The following TRMT1L variants were observed in gnomAD, a reference collection of about 807,000 sequenced individuals.
The protein encoded by TRMT1L is tRNA methyltransferase 1L.
In TRMT1L, 28 loss-of-function variants were observed where a neutral mutation model predicts 81.6. That is an observed-to-expected ratio of 0.34 (90% CI 0.25 to 0.47). The LOEUF is 0.47. Among genes scored for constraint, TRMT1L ranks in the 20% least tolerant of loss-of-function variants. The probability of loss-of-function intolerance (pLI) is 1.00; values close to 1 mark genes in which losing one functional copy is unlikely to be tolerated. For missense variants in TRMT1L, 739 were observed against 877.1 expected (o/e 0.84, Z 1.99); for synonymous variants, 301 against 303.2 (o/e 0.99, Z 0.07).
chr1:185,125,998 C>G (rs1417589897), intron 11 of TRMT1L, among the ~76,000 whole-genome samples: 2 of 152,132 alleles, frequency 1.3e-5, no homozygotes, highest in African/African-American at 2.4e-5. Context: ...ATCTGATATG[C>G]TTCCCATTTA....
intron 13 of TRMT1L, among the ~76,000 whole-genome samples, chr1:185,122,682 ATTTTT>A (rs374716894): frequency 8.4e-6 from 1 of 118,860 alleles, no homozygotes; most frequent in African/African-American, 3.3e-5. Flanking sequence ...CTTAAATCTA[ATTTTT>A]TTTTTTTTTT....
chr1:185,156,258 C>A (rs1653552293), intron 1 of TRMT1L, among the ~76,000 whole-genome samples: 1 of 152,206 alleles, frequency 6.6e-6, no homozygotes, highest in Non-Finnish European at 1.5e-5. Context: ...TCCTGCTCTC[C>A]GCATATCCCT....
chr1:185,150,600 T>C, intron 2 of TRMT1L, 108 bp from the exon 3 acceptor site: 1 of 734,784 alleles, frequency 1.4e-6, no homozygotes, highest in Non-Finnish European at 2.3e-6. Flanking sequence ...TCTTAAAGTC[T>C]TTCTTAACTT....
chr1:185,120,421 G>A lies in TRMT1L; in HGVS notation c.1911C>T (p.Asn637=). Residue 637 remains asparagine (N), a synonymous_variant, in exon 14 of 15, where the codon AAC becomes AAT. Transcript: ENST00000367506. ...VSTEHPPFYY[N]IHRHSIKGMN... ...TTCCTTTAATGCTGTGTCTGTGAATGTTGTAATAAAAGGGAGGATGTTCAG... is the reference window on the plus strand; with the variant it reads ...TTCCTTTAATGCTGTGTCTGTGAATATTGTAATAAAAGGGAGGATGTTCAG... The A allele has an allele frequency of 1.2e-6, 2 of 1,601,288 alleles. No homozygotes were observed. The highest frequency in any genetic ancestry group is 8.5e-7 in the Non-Finnish European group (1 of 1,174,890).
chr1:185,135,556 T>G (rs1164582455), intron 10 of TRMT1L, among the ~76,000 whole-genome samples: 2 of 151,818 alleles, frequency 1.3e-5, no homozygotes, highest in Non-Finnish European at 2.9e-5. Context: ...CCAAGGAGAT[T>G]AAAAGGAATT....
chr1:185,134,310 G>A (rs1652843921), intron 10 of TRMT1L, among the ~76,000 whole-genome samples: 2 of 152,088 alleles, frequency 1.3e-5, no homozygotes, highest in African/African-American at 4.8e-5. Context: ...CTCAGCCTCA[G>A]CCTCCTGAGT....
chr1:185,137,630 GA>G lies in TRMT1L; in HGVS notation c.1488del (p.Gln497ArgfsTer7). Reference sequence around the variant, plus strand: ...CCTTCTACCATATTACCATCCTTCTGAAAAATTCTCTCTTCACACCACTGAC... The same window carrying G: ...CCTTCTACCATATTACCATCCTTCTGAAAATTCTCTCTTCACACCACTGAC... ...IHCQWCEERI[F>X]QKDGNMVEEN... On this transcript the variant is annotated frameshift_variant, in exon 10 of 15. Coordinates refer to ENST00000367506, the MANE Select transcript of TRMT1L (RefSeq NM_030934.5). LOFTEE classifies it high-confidence loss of function. 1 of 1,613,842 alleles carries G rather than the reference GA, an allele frequency of 6.2e-7. No homozygotes were observed. The highest frequency in any genetic ancestry group is 8.5e-7 in the Non-Finnish European group (1 of 1,179,948).
chr1:185,136,068 A>G (rs1369053431), intron 10 of TRMT1L, among the ~76,000 whole-genome samples: 2 of 152,208 alleles, frequency 1.3e-5, no homozygotes, highest in Non-Finnish European at 2.9e-5. Flanking sequence ...CCTTAATGTG[A>G]TAAATGATAT....
At position 185,118,327 on chromosome 1, in the gene TRMT1L, AT is replaced by A. The variant is rs2102222491; in HGVS notation, c.*1691del. 1 of 152,302 alleles carries A rather than the reference AT, an allele frequency of 6.6e-6. No individual in the cohort carries two copies. The highest frequency in any genetic ancestry group is 1.9e-4 in the East Asian group (1 of 5,192). 9.4% of individuals were successfully genotyped at this position (152,302 alleles called of 1,614,324 possible). ...TGAAAAATCTACCTTTATATGTGAAATTAATATACACATATATTTTAGGTAA... is the reference window on the plus strand; with the variant it reads ...TGAAAAATCTACCTTTATATGTGAAATAATATACACATATATTTTAGGTAA... On this transcript the variant is annotated 3_prime_UTR_variant, in exon 15 of 15. Transcript: ENST00000367506.
At chr1:185,147,300 CA>C in intron 3 of TRMT1L, 54 bp from the exon 4 acceptor site, 1 of 1,356,020 alleles carries the variant, frequency 7.4e-7, no homozygotes, top group Non-Finnish European at 1.0e-6. Flanking sequence ...ATTCAGTTAT[CA>C]AAAATTATAA....
In TRMT1L at chr1:185,127,759, C is replaced by CAA. The variant is rs986438990; in HGVS notation, c.1592+908_1592+909dup. Among the ~76,000 whole-genome samples, 148 of 35,948 alleles carry CAA rather than the reference C, an allele frequency of 4.1e-3. 3 individuals are homozygous for CAA. Among genetic ancestry groups the CAA allele is most frequent in the East Asian group, 0.032 (34 of 1,054 alleles). The allele number at this position is 35,948 out of a possible 152,430, so 23.6% of individuals were successfully genotyped here. A position where few individuals can be genotyped will look rare whatever the true frequency, so the allele number is the denominator to read the frequency against. Reference sequence around the variant, plus strand: ...GGGCAACAAGAGTGAAACTCTGTCTCAAAAAAAAAAAAAAAAAAAAAAAAG... The same window carrying CAA: ...GGGCAACAAGAGTGAAACTCTGTCTCAAAAAAAAAAAAAAAAAAAAAAAAAAG... On this transcript the variant is annotated intron_variant, in intron 11 of 14. Coordinates refer to ENST00000367506, the MANE Select transcript of TRMT1L (RefSeq NM_030934.5).
intron 10 of TRMT1L, among the ~76,000 whole-genome samples, chr1:185,133,359 G>A (rs181768811): frequency 4.6e-5 from 7 of 152,066 alleles, no homozygotes; most frequent in African/African-American, 7.2e-5. Context: ...CACCATGCCC[G>A]GATTCATATG....
chr1:185,156,825 TG>T lies in TRMT1L; in HGVS notation c.-114del. The T allele has an allele frequency of 7.0e-7, 1 of 1,429,234 alleles. No individual in the cohort carries two copies. The highest frequency in any genetic ancestry group is 2.5e-5 in the Admixed American group (1 of 39,658). The allele number at this position is 1,429,234 out of a possible 1,614,324, so 88.5% of individuals were successfully genotyped here. On this transcript the variant is annotated 5_prime_UTR_variant, in exon 1 of 15. Transcript: ENST00000367506. The stretch of plus-strand genomic sequence containing the variant: ...TGGATCCAAGGAGTGGGGAAGCAAG[TG>T]GGGAGGGCGGGATGCGTGCAACAGA...
At chr1:185,125,557 C>T (rs1050290722) in intron 11 of TRMT1L, among the ~76,000 whole-genome samples, 10 of 151,952 alleles carry the variant, frequency 6.6e-5, no homozygotes, top group Admixed American at 6.6e-5. Context: ...ATTAAGTCAA[C>T]AAGAATCTAT....
chr1:185,118,322 G>T lies in TRMT1L; in HGVS notation c.*1697C>A, dbSNP rs1652412094. 6.6e-6 allele frequency: 1 copy of T among 151,968 alleles called. No homozygotes were observed. Among genetic ancestry groups the T allele is most frequent in the African/African-American group, 2.4e-5 (1 of 41,362 alleles). The allele number at this position is 151,968 out of a possible 1,614,324, so 9.4% of individuals were successfully genotyped here. On this transcript the variant is annotated 3_prime_UTR_variant, in exon 15 of 15. Coordinates refer to ENST00000367506, the MANE Select transcript of TRMT1L (RefSeq NM_030934.5). ...TTCTTTGAAAAATCTACCTTTATAT[G>T]TGAAATTAATATACACATATATTTT...
intron 3 of TRMT1L, 47 bp downstream of exon 3, chr1:185,150,332 G>A (rs753000268): frequency 4.4e-6 from 6 of 1,362,062 alleles, no homozygotes; most frequent in African/African-American, 4.4e-5. Context: ...GGTAATAAAT[G>A]TTGAATTTCA....
chr1:185,124,605 G>A (rs1413577186), intron 12 of TRMT1L, among the ~76,000 whole-genome samples: 1 of 151,742 alleles, frequency 6.6e-6, no homozygotes, highest in African/African-American at 2.4e-5. Context: ...TGAGGCAAGA[G>A]GACTGCCTGA....
At chr1:185,154,421 G>A (rs913817726) in intron 1 of TRMT1L, among the ~76,000 whole-genome samples, 1 of 152,156 alleles carries the variant, frequency 6.6e-6, no homozygotes, top group Non-Finnish European at 1.5e-5. Context: ...GGTCAAATGA[G>A]TTATAATGAG....
At chr1:185,147,084 C>G (rs1653207082) in intron 4 of TRMT1L, 98 bp downstream of exon 4, 1 of 743,792 alleles carries the variant, frequency 1.3e-6, no homozygotes, top group Non-Finnish European at 2.2e-6. Context: ...GTAAACCACA[C>G]TGCTGAACAT....
Sources: gnomAD v4.1 joint callset for allele counts (sites outside exome capture counted in the v4.1 genomes callset) on GRCh38, gnomAD v4.1.1 for gene constraint, MANE v1.5 for transcripts, NCBI Gene and HGNC (gene_info 2026-07-23, HGNC 2026-07-21) for gene names.